The following WASF3 variants were observed in gnomAD, a reference collection of about 807,000 sequenced individuals.
WASF3 encodes the protein WASP family member 3, also known as actin-binding protein WASF3.
A neutral mutation model predicts 46.6 loss-of-function variants in WASF3; 11 were observed. The ratio of observed to expected loss-of-function variants is 0.24; its 90% CI spans 0.15 to 0.39. WASF3 has a LOEUF of 0.39. WASF3 is among the 10% of genes least tolerant of loss of function. The pLI, the probability that WASF3 is intolerant of heterozygous loss-of-function variation, is 1.00. For missense variants in WASF3, 576 were observed against 669.8 expected (o/e 0.86, Z 1.55); for synonymous variants, 242 against 259.7 (o/e 0.93, Z 0.65).
intron 1 of WASF3, among the ~76,000 whole-genome samples, chr13:26,564,027 T>A (rs1408295267): frequency 6.6e-6 from 1 of 152,186 alleles, no homozygotes; most frequent in African/African-American, 2.4e-5. Context: ...TTATATGTTC[T>A]TGAACCTTTT....
At chr13:26,569,675 C>T (rs562854038) in intron 1 of WASF3, among the ~76,000 whole-genome samples, 1 of 152,042 alleles carries the variant, frequency 6.6e-6, no homozygotes, top group Non-Finnish European at 1.5e-5. Context: ...GAACAGCATA[C>T]TAAACCCAGA....
At chr13:26,662,522 T>C (rs983439470) in intron 3 of WASF3, among the ~76,000 whole-genome samples, 3 of 152,218 alleles carry the variant, frequency 2.0e-5, no homozygotes, top group Non-Finnish European at 4.4e-5. Context: ...TGGAGGCCAT[T>C]ATTGTAAGAG....
At chr13:26,605,279 T>C (rs1174951824) in intron 1 of WASF3, among the ~76,000 whole-genome samples, 1 of 152,246 alleles carries the variant, frequency 6.6e-6, no homozygotes, top group Non-Finnish European at 1.5e-5. Flanking sequence ...GCTGGAAGCC[T>C]TGTTTTATCA....
chr13:26,564,345 TA>T (rs1450880283), intron 1 of WASF3, among the ~76,000 whole-genome samples: 3 of 152,244 alleles, frequency 2.0e-5, no homozygotes, highest in Non-Finnish European at 2.9e-5. Flanking sequence ...CGTCGTCATA[TA>T]GAGACCTTCA....
At chr13:26,632,155 AC>A (rs1881670632) in intron 2 of WASF3, among the ~76,000 whole-genome samples, 1 of 151,974 alleles carries the variant, frequency 6.6e-6, no homozygotes, top group African/African-American at 2.4e-5. Flanking sequence ...CTAATTAAAT[AC>A]CTTTATTTGT....
At chr13:26,651,325 CAAAA>C (rs1294967001) in intron 3 of WASF3, among the ~76,000 whole-genome samples, 3 of 151,520 alleles carry the variant, frequency 2.0e-5, no homozygotes, top group African/African-American at 7.3e-5. Flanking sequence ...TAAAAAAACA[CAAAA>C]AACAAAAACC....
chr13:26,605,565 C>T (rs140714748), intron 1 of WASF3, among the ~76,000 whole-genome samples: 26 of 152,054 alleles, frequency 1.7e-4, no homozygotes, highest in African/African-American at 6.0e-4. Flanking sequence ...TGTCTATGTG[C>T]CAAGTATTGT....
chr13:26,649,808 C>T (rs779932693), intron 3 of WASF3, among the ~76,000 whole-genome samples: 41 of 152,086 alleles, frequency 2.7e-4, no homozygotes, highest in Admixed American at 2.6e-4. Flanking sequence ...CATCTGGGCA[C>T]GGTGGCTCAC....
At chr13:26,665,466 T>C (rs1716047958) in intron 4 of WASF3, among the ~76,000 whole-genome samples, 2 of 152,230 alleles carry the variant, frequency 1.3e-5, no homozygotes, top group African/African-American at 4.8e-5. Context: ...CTGACAGTTA[T>C]TTTAAAAATA....
At position 26,629,934 on chromosome 13, in the gene WASF3, C is replaced by T. The variant is rs180906291; in HGVS notation, c.-10-12327C>T. Among the ~76,000 whole-genome samples, 83 of 152,172 alleles carry T rather than the reference C, an allele frequency of 5.5e-4. 1 individual carries two copies. Among genetic ancestry groups the T allele is most frequent in the Admixed American group, 4.4e-3 (68 of 15,298 alleles). On this transcript the variant is annotated intron_variant, in intron 2 of 9. Coordinates refer to ENST00000335327, the MANE Select transcript of WASF3 (RefSeq NM_006646.6). ...GTCCTAGGGCCTTGCCTTTGATTCT[C>T]CTGCTGGAGCTTGCCACAAACTCCA...
At chr13:26,604,321 A>G (rs1352008414) in intron 1 of WASF3, among the ~76,000 whole-genome samples, 1 of 152,176 alleles carries the variant, frequency 6.6e-6, no homozygotes, top group Non-Finnish European at 1.5e-5. Flanking sequence ...GCCAGTTGCA[A>G]TGGGGAGCCT....
chr13:26,677,853 G>GT (rs893424713), intron 7 of WASF3, among the ~76,000 whole-genome samples: 4 of 151,598 alleles, frequency 2.6e-5, no homozygotes, highest in South Asian at 2.1e-4. Flanking sequence ...CTGCTTTTTT[G>GT]TTTTTTTTCT....
intron 1 of WASF3, among the ~76,000 whole-genome samples, chr13:26,596,590 T>C (rs1779439402): frequency 1.3e-5 from 2 of 152,228 alleles, no homozygotes; most frequent in South Asian, 4.1e-4. Flanking sequence ...TTTTTAGCAA[T>C]TTGGCTATGA....
At chr13:26,672,564 A>G (rs1882951983) in intron 6 of WASF3, among the ~76,000 whole-genome samples, 1 of 152,164 alleles carries the variant, frequency 6.6e-6, no homozygotes, top group South Asian at 2.1e-4. Context: ...AGCCCACTCT[A>G]CTCAGGTTAA....
intron 6 of WASF3, among the ~76,000 whole-genome samples, chr13:26,673,843 T>C (rs934228778): frequency 3.9e-5 from 6 of 152,216 alleles, no homozygotes; most frequent in Non-Finnish European, 8.8e-5. Flanking sequence ...GATGACCTGG[T>C]GTGTGACAGT....
intron 1 of WASF3, among the ~76,000 whole-genome samples, chr13:26,569,629 C>T (rs959987981): frequency 6.6e-6 from 1 of 152,074 alleles, no homozygotes; most frequent in Non-Finnish European, 1.5e-5. Context: ...GAAAAATACT[C>T]AATGATGTGA....
chr13:26,682,175 A>G lies in WASF3; in HGVS notation c.984-432A>G, dbSNP rs563201592. Among the ~76,000 whole-genome samples the G allele has an allele frequency of 3.9e-5, 6 of 152,328 alleles. No homozygotes were observed. In the South Asian group the frequency reaches 1.0e-3, roughly 26 times the overall value. ...CTTTTGATACACACCTGGGCACTGCAGGCATGGGGCATTTCCACGGAGGTG... is the reference window on the plus strand; with the variant it reads ...CTTTTGATACACACCTGGGCACTGCGGGCATGGGGCATTTCCACGGAGGTG... On this transcript the variant is annotated intron_variant, in intron 8 of 9. Transcript: ENST00000335327. The surrounding 1 kb of genome is among the most constrained non-coding windows in gnomAD (Gnocchi z 4.4).
intron 1 of WASF3, among the ~76,000 whole-genome samples, chr13:26,604,475 C>T (rs1465964405): frequency 6.6e-6 from 1 of 152,044 alleles, no homozygotes; most frequent in African/African-American, 2.4e-5. Context: ...TGAGATTTCA[C>T]TTATAAACTT....
chr13:26,553,936 A>G (rs939343308), upstream of WASF3, among the ~76,000 whole-genome samples: 1 of 152,028 alleles, frequency 6.6e-6, no homozygotes, highest in Non-Finnish European at 1.5e-5. Context: ...TTTTCTTTAC[A>G]TTGGAAAAAT....
Sources: allele counts gnomAD v4.1 joint callset (sites outside exome capture counted in the v4.1 genomes callset), GRCh38; gene constraint gnomAD v4.1.1; non-coding constraint Gnocchi (gnomAD v3.1); transcripts MANE v1.5; gene names NCBI Gene and HGNC (gene_info 2026-07-23, HGNC 2026-07-21).